Variants in SLC6A11 observed in about 807,000 individuals in gnomAD.
SLC6A11 encodes sodium- and chloride-dependent GABA transporter 3.
SLC6A11 carries 25 observed loss-of-function variants against 74.8 expected under a neutral mutation model. That is an observed-to-expected ratio of 0.33 (90% CI 0.24 to 0.47). SLC6A11 has a LOEUF of 0.47. Ranked by LOEUF, SLC6A11 falls within the 20% of genes least tolerant of loss-of-function variation. SLC6A11 has a pLI of 1.00. For synonymous variants in SLC6A11, 330 were observed against 330.2 expected (o/e 1.00, Z 0.01); for missense variants, 574 against 837.0 (o/e 0.69, Z 3.88).
chr3:10,861,372 C>G (rs954120536), intron 5 of SLC6A11, among the ~76,000 whole-genome samples: 2 of 151,932 alleles, frequency 1.3e-5, no homozygotes, highest in Non-Finnish European at 2.9e-5. Flanking sequence ...AAAAAATTAG[C>G]TGGGCATGGT....
At chr3:10,937,139 T>C (rs3821754) in intron 13 of SLC6A11, among the ~76,000 whole-genome samples, 1,911 of 152,204 alleles carry the variant, frequency 0.013, 28 homozygotes, top group East Asian at 0.07. Context: ...TGATAGAAGG[T>C]AACATGGTGG....
At chr3:10,854,063 T>C (rs1694608986) in intron 5 of SLC6A11, among the ~76,000 whole-genome samples, 1 of 152,264 alleles carries the variant, frequency 6.6e-6, no homozygotes, top group Non-Finnish European at 1.5e-5. Flanking sequence ...CACTGATTTT[T>C]AAAAATTGTC....
intron 4 of SLC6A11, chr3:10,825,132 A>G (rs1694190623): frequency 6.8e-6 from 1 of 148,102 alleles, no homozygotes; most frequent in African/African-American, 2.5e-5. Flanking sequence ...CAGTGAGCCG[A>G]GATCGGCGCC....
chr3:10,825,359 C>T (rs2106573246), intron 4 of SLC6A11: 1 of 152,154 alleles, frequency 6.6e-6, no homozygotes, highest in Middle Eastern at 3.4e-3. Context: ...GGTTAAGCAC[C>T]TTTTCATGTT....
In SLC6A11 at chr3:10,816,234, C is replaced by G; in HGVS notation, c.-32C>G. On this transcript the variant is annotated 5_prime_UTR_variant, in exon 1 of 14. Coordinates refer to ENST00000254488, the MANE Select transcript of SLC6A11 (RefSeq NM_014229.3). The surrounding 1 kb of genome is among the most constrained non-coding windows in gnomAD (Gnocchi z 4.2). ...GCTCGCCCGGGGCGGCGGCGCAGAG[C>G]CGGGCCGGCGCACGAGGCAGCCAGC... is the stretch of plus-strand genomic sequence containing the variant. The G allele has an allele frequency of 7.8e-7, 1 of 1,283,718 alleles. No individual in the cohort carries two copies. The highest frequency in any genetic ancestry group is 9.8e-7 in the Non-Finnish European group (1 of 1,019,768). The allele number at this position is 1,283,718 out of a possible 1,614,324, so 79.5% of individuals were successfully genotyped here.
intron 6 of SLC6A11, among the ~76,000 whole-genome samples, chr3:10,890,538 C>G (rs1695095709): frequency 6.6e-6 from 1 of 152,238 alleles, no homozygotes; most frequent in Non-Finnish European, 1.5e-5. Flanking sequence ...GTCAGTGTGG[C>G]TGTTAACTAT....
chr3:10,823,289 G>A lies in SLC6A11; in HGVS notation c.533-13G>A, dbSNP rs1194610851. 2.5e-6 allele frequency: 4 copies of A among 1,584,790 alleles called. No individual in the cohort carries two copies. In the South Asian group the frequency reaches 4.4e-5, roughly 18 times the overall value. On this transcript the variant is annotated splice_polypyrimidine_tract_variant and intron_variant, in intron 3 of 13. Transcript: ENST00000254488. ...TTAATTTTCTTCTATTTCTTGTCTTGTTTCCACTGTAGAGAATTGTGTGGA... is the reference window on the plus strand; with the variant it reads ...TTAATTTTCTTCTATTTCTTGTCTTATTTCCACTGTAGAGAATTGTGTGGA...
At chr3:10,846,560 A>G (rs369909346) in intron 5 of SLC6A11, among the ~76,000 whole-genome samples, 6 of 152,232 alleles carry the variant, frequency 3.9e-5, no homozygotes, top group African/African-American at 1.2e-4. Context: ...GAGAAGACTC[A>G]GTCCCTTAGT....
Position 10,929,193 on chromosome 3 carries a change from C to T in SLC6A11, c.1234-9C>T. 6.2e-7 allele frequency: 1 copy of T among 1,613,616 alleles called. No homozygotes were observed. Among genetic ancestry groups the T allele is most frequent in the Non-Finnish European group, 8.5e-7 (1 of 1,179,788 alleles). On this transcript the variant is annotated splice_polypyrimidine_tract_variant and intron_variant, in intron 9 of 13. Transcript: ENST00000254488. The stretch of plus-strand genomic sequence containing the variant: ...CTTGAGTTTCACACCATCATATCTC[C>T]CCATCCAGTTTGTGTGTGTGGAAAG...
intron 4 of SLC6A11, among the ~76,000 whole-genome samples, chr3:10,828,385 TGGA>T (rs765505685): frequency 8.5e-5 from 13 of 152,238 alleles, no homozygotes; most frequent in Non-Finnish European, 1.5e-4. Flanking sequence ...TTATCTTCAC[TGGA>T]GGAGTTTTGT....
At chr3:10,898,631 C>T (rs542085774) in intron 6 of SLC6A11, among the ~76,000 whole-genome samples, 7 of 152,342 alleles carry the variant, frequency 4.6e-5, no homozygotes, top group African/African-American at 1.7e-4. Context: ...GCCTGGATTT[C>T]ATTGTCCATG....
At chr3:10,903,077 C>T (rs1013622287) in intron 6 of SLC6A11, among the ~76,000 whole-genome samples, 52 of 152,138 alleles carry the variant, frequency 3.4e-4, no homozygotes, top group African/African-American at 1.2e-3. Flanking sequence ...TCATCATACA[C>T]CCTCTTACTG....
intron 8 of SLC6A11, among the ~76,000 whole-genome samples, chr3:10,923,359 T>C (rs1160031663): frequency 6.6e-6 from 1 of 151,594 alleles, no homozygotes; most frequent in Non-Finnish European, 1.5e-5. Flanking sequence ...AAGGAAGTGC[T>C]CAGAAAGAAA....
At chr3:10,857,153 CGA>C (rs1559561790) in intron 5 of SLC6A11, among the ~76,000 whole-genome samples, 1 of 152,004 alleles carries the variant, frequency 6.6e-6, no homozygotes, top group Non-Finnish European at 1.5e-5. Context: ...GTGTTGGTAC[CGA>C]GTTTGGATAA....
chr3:10,928,929 A>T (rs1157542781), intron 9 of SLC6A11, among the ~76,000 whole-genome samples: 1 of 152,158 alleles, frequency 6.6e-6, no homozygotes, highest in African/African-American at 2.4e-5. Flanking sequence ...GAGTCTGGAG[A>T]CACCAGCTCA....
intron 8 of SLC6A11, among the ~76,000 whole-genome samples, chr3:10,923,584 T>C (rs763142798): frequency 6.6e-6 from 1 of 152,080 alleles, no homozygotes; most frequent in African/African-American, 2.4e-5. Context: ...AATTAATAAA[T>C]ATAGAAGGAA....
At chr3:10,834,706 C>T (rs865887165) in intron 4 of SLC6A11, among the ~76,000 whole-genome samples, 2 of 152,280 alleles carry the variant, frequency 1.3e-5, no homozygotes, top group East Asian at 1.9e-4. Context: ...GGGGGAGAAG[C>T]GCCAGAGCTG....
chr3:10,867,979 T>C (rs1454543623), intron 5 of SLC6A11, among the ~76,000 whole-genome samples: 1 of 152,210 alleles, frequency 6.6e-6, no homozygotes, highest in Admixed American at 6.5e-5. Flanking sequence ...TAATTCACAG[T>C]TTTCTCATTA....
chr3:10,893,175 T>C lies in SLC6A11; in HGVS notation c.891+18080T>C, dbSNP rs143233895. Among the ~76,000 whole-genome samples, 256 of 152,282 alleles carry C rather than the reference T, an allele frequency of 1.7e-3. 1 individual carries two copies. Among genetic ancestry groups the C allele is most frequent in the African/African-American group, 6.1e-3 (252 of 41,564 alleles). On this transcript the variant is annotated intron_variant, in intron 6 of 13. Coordinates refer to ENST00000254488, the MANE Select transcript of SLC6A11 (RefSeq NM_014229.3). ...TTGGAGCTTTAAAGAAAATATTCCC[T>C]AAGAAAGACAGATGAGGAAAATAAA...
Sources: allele counts gnomAD v4.1 joint callset (sites outside exome capture counted in the v4.1 genomes callset), GRCh38; gene constraint gnomAD v4.1.1; non-coding constraint Gnocchi (gnomAD v3.1); transcripts MANE v1.5; gene names NCBI Gene and HGNC (gene_info 2026-07-23, HGNC 2026-07-21).